The following NDUFAF6 variants were observed in gnomAD, a reference collection of about 807,000 sequenced individuals.
NDUFAF6 encodes the protein NADH dehydrogenase (ubiquinone) complex I, assembly factor 6.
Under a neutral mutation model 40.8 loss-of-function variants are expected in NDUFAF6, and 45 were observed. That is an observed-to-expected ratio of 1.10 (90% confidence interval 0.87 to 1.42). NDUFAF6 has a LOEUF of 1.42. Ranked by LOEUF, NDUFAF6 falls within the 40% of genes most tolerant of loss-of-function variation. The pLI is 0.00. For synonymous variants in NDUFAF6, 185 were observed against 155.9 expected (o/e 1.19, Z -1.39); for missense variants, 435 against 418.5 (o/e 1.04, Z -0.34).
chr8:95,052,052 G>A (rs952969114), intron 7 of NDUFAF6, 122 bp from the exon 8 acceptor site: 7 of 866,030 alleles, frequency 8.1e-6, no homozygotes, highest in Admixed American at 5.7e-5. Context: ...TGCAGGAGAT[G>A]AGCTGTTTTC....
intron 2 of NDUFAF6, among the ~76,000 whole-genome samples, chr8:95,094,676 G>A (rs6987762): frequency 0.7 from 104,501 of 150,010 alleles, 37,138 homozygotes; most frequent in East Asian, 0.9. Flanking sequence ...CGGCCTCCCA[G>A]AGTGTTGAGA....
At chr8:94,958,522 CTTTTTTTTTTTTTTTTTT>C in intron 1 of NDUFAF6, among the ~76,000 whole-genome samples, 1 of 71,276 alleles carries the variant, frequency 1.4e-5, no homozygotes, top group African/African-American at 5.9e-5. Flanking sequence ...TAGTCACATT[CTTTTTTTTTTTTTTTTTT>C]TTTTTTTTTT....
chr8:94,997,353 G>GAC (rs1826497601), intron 2 of NDUFAF6, among the ~76,000 whole-genome samples: 1 of 150,242 alleles, frequency 6.7e-6, no homozygotes. Context: ...CAGAGAGAGA[G>GAC]AGAGAGAGAG....
Position 94,943,696 on chromosome 8 carries a change from T to C in NDUFAF6, c.-935-1787T>C, listed in dbSNP as rs558076498. 3.9e-5 allele frequency among the ~76,000 whole-genome samples: 6 copies of C among 152,352 alleles called. No homozygotes were observed. The South Asian group carries it at 1.2e-3, about 32-fold the overall frequency. ...TCAGTTCCTTGTGTGTAAACTGAAC[T>C]GCTACAGTTGTTTGGCACACTACTA... On this transcript the variant is annotated intron_variant, in intron 1 of 14. Coordinates refer to the NDUFAF6 transcript ENST00000396113.
At chr8:95,023,095 T>C (rs1563794220), upstream of NDUFAF6, 1 of 152,266 alleles carries the variant, frequency 6.6e-6, no homozygotes, top group East Asian at 1.9e-4. Flanking sequence ...AGAAGCTTAA[T>C]TAACTTTATG....
At chr8:94,899,310 A>C (rs1367774576) in intron 1 of NDUFAF6, among the ~76,000 whole-genome samples, 1 of 152,242 alleles carries the variant, frequency 6.6e-6, no homozygotes, top group Non-Finnish European at 1.5e-5. Flanking sequence ...TTGAAGCGTC[A>C]TTGAGACCTC....
chr8:94,964,131 A>C (rs564158083), intron 1 of NDUFAF6, among the ~76,000 whole-genome samples: 36 of 152,242 alleles, frequency 2.4e-4, no homozygotes, highest in African/African-American at 8.4e-4. Flanking sequence ...TTAAATTGCT[A>C]TGAAGAAATA....
At chr8:94,972,702 G>T (rs1172409777) in intron 1 of NDUFAF6, among the ~76,000 whole-genome samples, 1 of 144,692 alleles carries the variant, frequency 6.9e-6, no homozygotes, top group African/African-American at 2.6e-5. Flanking sequence ...ACCAGCCTGG[G>T]CAACGTAGCA....
chr8:94,922,771 G>A (rs542959975), intron 1 of NDUFAF6, among the ~76,000 whole-genome samples: 33 of 152,248 alleles, frequency 2.2e-4, no homozygotes, highest in African/African-American at 7.2e-4. Context: ...GTGCCACTGC[G>A]CTGGCTGAAT....
chr8:94,963,843 G>T lies in NDUFAF6; in HGVS notation c.-199+5664G>T, dbSNP rs975126281. 1.2e-4 allele frequency among the ~76,000 whole-genome samples: 19 copies of T among 152,354 alleles called. No individual in the cohort carries two copies. The South Asian group carries it at 2.5e-3, about 20-fold the overall frequency. ...GCAGTAGCTGGGGAAGACAGGTGGA[G>T]GCCTGCTTCTCAAGCAGTTAAGAAG... On this transcript the variant is annotated intron_variant, in intron 1 of 9. Transcript: ENST00000396111.
chr8:94,996,613 G>A (rs931087604), intron 2 of NDUFAF6, among the ~76,000 whole-genome samples: 6 of 152,170 alleles, frequency 3.9e-5, no homozygotes, highest in Non-Finnish European at 5.9e-5. Context: ...TCTGCTCACC[G>A]TGCAGAGAAA....
upstream of NDUFAF6, among the ~76,000 whole-genome samples, chr8:95,020,495 C>T (rs900067568): frequency 6.6e-6 from 1 of 152,212 alleles, no homozygotes; most frequent in African/African-American, 2.4e-5. Context: ...TGGGCTGAGG[C>T]AGCCCTGCAG....
At chr8:95,092,494 A>G (rs933535974) in intron 2 of NDUFAF6, among the ~76,000 whole-genome samples, 16 of 151,216 alleles carry the variant, frequency 1.1e-4, no homozygotes, top group African/African-American at 3.9e-4. Context: ...CTATGACATA[A>G]TTTGATTCCA....
At chr8:94,954,130 T>A (rs1165003509), upstream of NDUFAF6, among the ~76,000 whole-genome samples, 1 of 142,168 alleles carries the variant, frequency 7.0e-6, no homozygotes, top group Non-Finnish European at 1.6e-5. Context: ...TGGCGTGATC[T>A]CCACTCATTA....
intron 1 of NDUFAF6, among the ~76,000 whole-genome samples, chr8:94,925,810 G>T (rs184064307): frequency 2.6e-5 from 4 of 152,126 alleles, no homozygotes; most frequent in African/African-American, 9.7e-5. Flanking sequence ...AAATTGCTGG[G>T]ATTACAGGCA....
Position 94,933,836 on chromosome 8 carries a change from G to GT in NDUFAF6, c.-935-11647_-935-11646insT, listed in dbSNP as rs577760874. ...ATGCCTGTAATCCCAGCACTTTGTG[G>GT]GGGGGGGGGGAGGATCACGAGGTCA... On this transcript the variant is annotated intron_variant, in intron 1 of 14. Coordinates refer to the NDUFAF6 transcript ENST00000396113. Among the ~76,000 whole-genome samples, 45 of 145,456 alleles carry GT rather than the reference G, an allele frequency of 3.1e-4. 2 individuals are homozygous for GT. In the South Asian group the frequency reaches 6.4e-3, roughly 21 times the overall value.
chr8:95,061,180 G>A (rs115088755), downstream of NDUFAF6, among the ~76,000 whole-genome samples: 870 of 152,284 alleles, frequency 5.7e-3, 5 homozygotes, highest in African/African-American at 0.019. Flanking sequence ...AGAACAGAAT[G>A]TTCAGAGTTC....
chr8:95,102,192 CACCA>C (rs1809672200), intron 2 of NDUFAF6, among the ~76,000 whole-genome samples: 1 of 152,060 alleles, frequency 6.6e-6, no homozygotes, highest in Non-Finnish European at 1.5e-5. Context: ...TTGGGGGTTT[CACCA>C]TGTTGGCCAG....
intron 5 of NDUFAF6, among the ~76,000 whole-genome samples, chr8:95,046,743 A>T (rs1398135154): frequency 6.6e-6 from 1 of 152,162 alleles, no homozygotes; most frequent in Non-Finnish European, 1.5e-5. Context: ...TAAAATTCTA[A>T]ATGTGTTCTT....
Sources: allele counts gnomAD v4.1 joint callset (sites outside exome capture counted in the v4.1 genomes callset), GRCh38; gene constraint gnomAD v4.1.1; transcripts MANE v1.5; gene names NCBI Gene and HGNC (gene_info 2026-07-23, HGNC 2026-07-21).